ATPAF1: variants seen among roughly 807,000 people sequenced by gnomAD.
The protein encoded by ATPAF1 is ATP synthase mitochondrial F1 complex assembly factor 1.
ATPAF1 carries 26 observed loss-of-function variants against 43.9 expected under a neutral mutation model. The ratio of observed to expected loss-of-function variants is 0.59; its 90% CI spans 0.43 to 0.82. The LOEUF is 0.82. Ranked by LOEUF, ATPAF1 falls within the 40% of genes least tolerant of loss-of-function variation. The pLI, the probability that ATPAF1 is intolerant of heterozygous loss-of-function variation, is 0.00. For missense variants in ATPAF1, 366 were observed against 435.0 expected, an observed-to-expected ratio of 0.84 and a Z score of 1.41; for synonymous variants, 157 against 168.0, an observed-to-expected ratio of 0.93 and a Z score of 0.50.
chr1:46,668,025 C>T lies in ATPAF1; in HGVS notation c.266+32G>A. 7.5e-7 allele frequency: 1 copy of T among 1,338,908 alleles called. No individual in the cohort carries two copies. Among genetic ancestry groups the T allele is most frequent in the South Asian group, 2.0e-5 (1 of 48,850 alleles). The allele number at this position is 1,338,908 out of a possible 1,614,324, so 82.9% of individuals were successfully genotyped here. A position where few individuals can be genotyped will look rare whatever the true frequency, so the allele number is the denominator to read the frequency against. ...GCCCGGGCCGCCCCTCCTCCCGCCTCCTGCCCGCCTCCAGCCAACCCAGGC... is the reference window on the plus strand; with the variant it reads ...GCCCGGGCCGCCCCTCCTCCCGCCTTCTGCCCGCCTCCAGCCAACCCAGGC... On this transcript the variant is annotated intron_variant, in intron 1 of 8. Coordinates refer to ENST00000574428, the Ensembl canonical transcript of ATPAF1. This position sits in a 1 kb window ranked among gnomAD's most constrained non-coding sequence, Gnocchi z 4.4.
At chr1:46,641,671 CA>C (rs1184935906) in intron 8 of ATPAF1, among the ~76,000 whole-genome samples, 1 of 152,146 alleles carries the variant, frequency 6.6e-6, no homozygotes, top group Non-Finnish European at 1.5e-5. Flanking sequence ...CCCTAATAAA[CA>C]AGGGAGATTT....
chr1:46,637,390 A>G (rs1393142315), intron 8 of ATPAF1, among the ~76,000 whole-genome samples: 1 of 152,134 alleles, frequency 6.6e-6, no homozygotes, highest in African/African-American at 2.4e-5. Context: ...TAAAAATAAA[A>G]ATTAAAAAAT....
intron 6 of ATPAF1, among the ~76,000 whole-genome samples, chr1:46,646,127 T>C (rs558779585): frequency 2.0e-5 from 3 of 152,236 alleles, no homozygotes; most frequent in Non-Finnish European, 2.9e-5. Flanking sequence ...CTGGGCAACA[T>C]AGTGAGACCC....
chr1:46,652,651 G>C, intron 5 of ATPAF1, 23 bp from the exon 6 acceptor site: 1 of 1,606,606 alleles, frequency 6.2e-7, no homozygotes, highest in Non-Finnish European at 8.5e-7. Flanking sequence ...AAAGAATAAA[G>C]TTAACCTACA....
In ATPAF1 at chr1:46,645,185, G is replaced by A. The variant is rs752245809; in HGVS notation, c.660C>T (p.His220=). The change falls in exon 7 of 9, where the codon CAC becomes CAT. Residue 220 remains histidine (H), a synonymous_variant. Coordinates refer to ENST00000574428, the Ensembl canonical transcript of ATPAF1. The stretch of plus-strand genomic sequence containing the variant: ...CCTGAATATTTATAAGTGCAGTGAA[G>A]TGGAGTTCAGTACCTGTCCATTGTC... The A allele has an allele frequency of 4.3e-6, 7 of 1,613,816 alleles. No homozygotes were observed. The South Asian group carries it at 7.7e-5, about 18-fold the overall frequency.
chr1:46,665,334 C>T, exon 2 of ATPAF1: 1 of 1,614,252 alleles, frequency 6.2e-7, no homozygotes, highest in South Asian at 1.1e-5. Flanking sequence ...TGCGTTTCTC[C>T]AGGCGGGACT....
intron 7 of ATPAF1, 33 bp downstream of exon 7, chr1:46,645,128 C>G: frequency 6.4e-7 from 1 of 1,567,604 alleles, no homozygotes; most frequent in Non-Finnish European, 8.8e-7. Flanking sequence ...GGGTAGTCCT[C>G]TTTCCTCTAG....
intron 6 of ATPAF1, among the ~76,000 whole-genome samples, chr1:46,650,131 T>A (rs1676136477): frequency 6.6e-6 from 1 of 152,140 alleles, no homozygotes; most frequent in Admixed American, 6.6e-5. Context: ...AGCTCAGTAT[T>A]TCAGCTACGA....
At chr1:46,665,597 T>C (rs1301003177) in intron 1 of ATPAF1, 4 of 1,422,240 alleles carry the variant, frequency 2.8e-6, no homozygotes, top group Non-Finnish European at 3.8e-6. Context: ...ATTTTTCTTT[T>C]GCAGGCTGTT....
At chr1:46,662,672 C>T (rs554234808) in intron 2 of ATPAF1, among the ~76,000 whole-genome samples, 2 of 152,268 alleles carry the variant, frequency 1.3e-5, no homozygotes, top group African/African-American at 4.8e-5. Context: ...AGTGATCTGC[C>T]CACCTCAACC....
intron 8 of ATPAF1, among the ~76,000 whole-genome samples, 160 bp downstream of exon 8, chr1:46,643,034 G>A (rs1360724232): frequency 6.6e-6 from 1 of 152,152 alleles, no homozygotes; most frequent in Non-Finnish European, 1.5e-5. Context: ...CTTCAAATTG[G>A]AAGATCTTGA....
chr1:46,662,126 CCTCGTGAT>C (rs1047407013), intron 2 of ATPAF1, among the ~76,000 whole-genome samples: 227 of 152,254 alleles, frequency 1.5e-3, no homozygotes, highest in Non-Finnish European at 2.9e-3. Flanking sequence ...AATCTCCTGA[CCTCGTGAT>C]CTGCCCGCCT....
chr1:46,634,625 AAGAAAG>A (rs1675804474), downstream of ATPAF1: 1 of 152,298 alleles, frequency 6.6e-6, no homozygotes, highest in Admixed American at 6.5e-5. Context: ...TCAGGAAAAA[AAGAAAG>A]AGAAAGAAAT....
At chr1:46,666,923 T>C (rs910873405) in intron 1 of ATPAF1, among the ~76,000 whole-genome samples, 11 of 152,228 alleles carry the variant, frequency 7.2e-5, no homozygotes, top group African/African-American at 2.7e-4. Context: ...AAAGTACAAG[T>C]AGACAACTCT....
chr1:46,663,352 C>T (rs1050198919), intron 2 of ATPAF1, among the ~76,000 whole-genome samples: 2 of 152,200 alleles, frequency 1.3e-5, no homozygotes, highest in Non-Finnish European at 2.9e-5. Flanking sequence ...CCTAAGGAAT[C>T]GCCACACTGA....
intron 7 of ATPAF1, 25 bp from the exon 8 acceptor site, chr1:46,643,326 G>A: frequency 6.5e-7 from 1 of 1,547,742 alleles, no homozygotes. Flanking sequence ...ACTTATCAAG[G>A]CTCAATAAGG....
downstream of ATPAF1, chr1:46,633,751 T>C (rs138875460): frequency 2.6e-3 from 1,184 of 456,218 alleles, 6 homozygotes; most frequent in Middle Eastern, 5.9e-3. Flanking sequence ...GGCCACTTCT[T>C]ACTCCTTTTT....
rs558902220 is a variant in ATPAF1 at position 46,638,538 on chromosome 1, C to T, written c.793-2568G>A. 6.1e-4 allele frequency among the ~76,000 whole-genome samples: 92 copies of T among 151,410 alleles called. 1 individual carries two copies. The highest frequency in any genetic ancestry group is 2.2e-3 in the African/African-American group (89 of 41,270). On this transcript the variant is annotated intron_variant, in intron 8 of 8. Transcript: ENST00000574428. ...TCGGGAGGCTGAGGCAGGAGAATGG[C>T]GTGAACCCGGGAGGCAGAGCTTGCA... is the stretch of plus-strand genomic sequence containing the variant.
At chr1:46,655,268 T>C (rs1220796702) in intron 4 of ATPAF1, among the ~76,000 whole-genome samples, 1 of 152,128 alleles carries the variant, frequency 6.6e-6, no homozygotes, top group Admixed American at 6.6e-5. Flanking sequence ...TAGATATTAT[T>C]GGCATGTTAT....
Sources: allele counts gnomAD v4.1 joint callset (sites outside exome capture counted in the v4.1 genomes callset), GRCh38; gene constraint gnomAD v4.1.1; non-coding constraint Gnocchi (gnomAD v3.1); transcripts MANE v1.5; gene names NCBI Gene and HGNC (gene_info 2026-07-23, HGNC 2026-07-21).